The following RAB7A variants were observed in gnomAD, a reference collection of about 807,000 sequenced individuals.
RAB7A encodes the protein ras-related protein Rab-7a.
Under a neutral mutation model 24.5 loss-of-function variants are expected in RAB7A, and 2 were observed. That is an observed-to-expected ratio of 0.08 (90% CI 0.03 to 0.26). RAB7A has a LOEUF of 0.26. Ranked by LOEUF, RAB7A falls within the 10% of genes least tolerant of loss-of-function variation. The pLI, the probability that RAB7A is intolerant of heterozygous loss-of-function variation, is 1.00. For synonymous variants in RAB7A, 100 were observed against 95.9 expected (o/e 1.04, Z -0.25); for missense variants, 118 against 255.7 (o/e 0.46, Z 3.67).
chr3:128,804,121 C>A (rs967231680), intron 3 of RAB7A, among the ~76,000 whole-genome samples: 7 of 151,244 alleles, frequency 4.6e-5, no homozygotes, highest in Admixed American at 1.3e-4. Context: ...TGGGCCCCCC[C>A]CCGCCCCCAG....
At chr3:128,766,616 T>C (rs888846730) in intron 1 of RAB7A, among the ~76,000 whole-genome samples, 2 of 152,210 alleles carry the variant, frequency 1.3e-5, no homozygotes, top group African/African-American at 4.8e-5. Flanking sequence ...GGAATGGTCA[T>C]ACATTTTGGT....
intron 1 of RAB7A, among the ~76,000 whole-genome samples, chr3:128,753,333 A>C (rs1334815850): frequency 6.6e-6 from 1 of 151,666 alleles, no homozygotes; most frequent in Non-Finnish European, 1.5e-5. Flanking sequence ...AAAATAGAGC[A>C]TATATTGGTG....
rs745731016 is a variant in RAB7A, at chr3:128,798,009, A to C, written c.120A>C (p.Thr40=). 2 of 1,613,952 alleles carry C rather than the reference A, an allele frequency of 1.2e-6. No individual in the cohort carries two copies. The highest frequency in any genetic ancestry group is 1.7e-6 in the Non-Finnish European group (2 of 1,179,812). ...NKKFSNQYKA[T]IGADFLTKEV... is the part of the protein sequence containing the mutation. ...AATTCAGCAATCAGTACAAAGCCAC[A>C]ATAGGAGCTGACTTTCTGACCAAGG... Residue 40 remains threonine (T), a synonymous_variant, in exon 3 of 6, where the codon ACA becomes ACC. Transcript: ENST00000265062.
chr3:128,759,030 G>A (rs1028364586), intron 1 of RAB7A, among the ~76,000 whole-genome samples: 1 of 145,216 alleles, frequency 6.9e-6, no homozygotes, highest in Non-Finnish European at 1.5e-5. Context: ...TCAACTTACA[G>A]CCCCTGTGTT....
intron 1 of RAB7A, among the ~76,000 whole-genome samples, chr3:128,741,042 A>G (rs746271389): frequency 6.6e-6 from 1 of 151,730 alleles, no homozygotes; most frequent in Admixed American, 6.6e-5. Flanking sequence ...TAGAAAAAAT[A>G]TTAACTACAT....
chr3:128,769,678 T>C (rs1403523373), intron 1 of RAB7A, among the ~76,000 whole-genome samples: 1 of 152,256 alleles, frequency 6.6e-6, no homozygotes, highest in African/African-American at 2.4e-5. Context: ...TTTGATGTGC[T>C]ATCTGTTAAA....
At chr3:128,784,423 G>A (rs1933294157) in intron 1 of RAB7A, among the ~76,000 whole-genome samples, 1 of 152,138 alleles carries the variant, frequency 6.6e-6, no homozygotes, top group African/African-American at 2.4e-5. Flanking sequence ...GTCTAGTGCA[G>A]TCCTCTCTTG....
In RAB7A at chr3:128,775,982, C is replaced by T. The variant is rs749925381; in HGVS notation, c.-8-19378C>T. Among the ~76,000 whole-genome samples, 66 of 152,142 alleles carry T rather than the reference C, an allele frequency of 4.3e-4. 1 individual carries two copies. Among genetic ancestry groups the T allele is most frequent in the Non-Finnish European group, 2.6e-4 (18 of 68,020 alleles). On this transcript the variant is annotated intron_variant, in intron 1 of 5. Transcript: ENST00000265062. ...TAATCATAGTCACCATGATGTACAACAGATCTCCTATTTCTCCTGTTTAAC... is the reference window on the plus strand; with the variant it reads ...TAATCATAGTCACCATGATGTACAATAGATCTCCTATTTCTCCTGTTTAAC...
intron 1 of RAB7A, among the ~76,000 whole-genome samples, chr3:128,753,088 T>G (rs1235979655): frequency 1.3e-5 from 2 of 152,192 alleles, no homozygotes; most frequent in East Asian, 3.9e-4. Context: ...AAGATCATCA[T>G]CGGATTTCTC....
chr3:128,792,171 G>T (rs1301659140), intron 1 of RAB7A, among the ~76,000 whole-genome samples: 1 of 152,174 alleles, frequency 6.6e-6, no homozygotes, highest in Non-Finnish European at 1.5e-5. Flanking sequence ...GACACGTGTG[G>T]GTAGAGACTC....
intron 1 of RAB7A, among the ~76,000 whole-genome samples, chr3:128,793,364 A>G (rs1933501314): frequency 6.6e-6 from 1 of 151,934 alleles, no homozygotes; most frequent in Non-Finnish European, 1.5e-5. Context: ...CATGTTAGCC[A>G]GGCTGGTCTT....
intron 3 of RAB7A, among the ~76,000 whole-genome samples, chr3:128,803,424 T>G (rs906243386): frequency 6.6e-6 from 1 of 151,964 alleles, no homozygotes; most frequent in South Asian, 2.1e-4. Flanking sequence ...TGCTAGAATA[T>G]AGGGAGTGGA....
intron 1 of RAB7A, among the ~76,000 whole-genome samples, chr3:128,742,048 G>A (rs761021911): frequency 2.6e-5 from 4 of 152,102 alleles, no homozygotes; most frequent in Non-Finnish European, 4.4e-5. Context: ...TAAAGATAGC[G>A]TGTCCAGAGT....
intron 1 of RAB7A, among the ~76,000 whole-genome samples, chr3:128,751,914 G>C (rs1472418998): frequency 6.6e-6 from 1 of 152,184 alleles, no homozygotes; most frequent in East Asian, 1.9e-4. Context: ...TACGAGATCT[G>C]ATGGTTACAA....
chr3:128,763,441 T>G lies in RAB7A; in HGVS notation c.-8-31919T>G, dbSNP rs138068303. On this transcript the variant is annotated intron_variant, in intron 1 of 5. Transcript: ENST00000265062. ...ACCCTGTTAGCCAGGATGGTCTCGATCTCCTGATTTTGTGATCCGCCTGTC... is the reference window on the plus strand; with the variant it reads ...ACCCTGTTAGCCAGGATGGTCTCGAGCTCCTGATTTTGTGATCCGCCTGTC... Among the ~76,000 whole-genome samples the G allele has an allele frequency of 8.7e-3, 1,325 of 151,958 alleles. 23 individuals carry two copies. The highest frequency in any genetic ancestry group is 0.03 in the African/African-American group (1,249 of 41,416).
At chr3:128,765,585 A>G (rs554996417) in intron 1 of RAB7A, among the ~76,000 whole-genome samples, 10 of 152,258 alleles carry the variant, frequency 6.6e-5, no homozygotes, top group East Asian at 3.9e-4. Flanking sequence ...CAGGGCTCCA[A>G]TAGATTCACT....
intron 1 of RAB7A, among the ~76,000 whole-genome samples, chr3:128,768,337 T>C (rs1295907969): frequency 2.0e-5 from 3 of 152,156 alleles, no homozygotes; most frequent in African/African-American, 4.8e-5. Flanking sequence ...TTGATGGACA[T>C]TTGGGTTGAT....
At chr3:128,785,746 C>CA (rs35368201) in intron 1 of RAB7A, among the ~76,000 whole-genome samples, 24,647 of 86,384 alleles carry the variant, frequency 0.29, 2,542 homozygotes, top group South Asian at 0.43. Flanking sequence ...AAGACTGTCT[C>CA]AAAAAAAAAA....
chr3:128,746,065 C>G (rs2070611063), intron 1 of RAB7A, among the ~76,000 whole-genome samples: 1 of 152,224 alleles, frequency 6.6e-6, no homozygotes, highest in Admixed American at 6.5e-5. Context: ...TTGAAATAGA[C>G]TCGGATATTC....
Sources: gnomAD v4.1 joint callset for allele counts (sites outside exome capture counted in the v4.1 genomes callset) on GRCh38, gnomAD v4.1.1 for gene constraint, MANE v1.5 for transcripts, NCBI Gene and HGNC (gene_info 2026-07-23, HGNC 2026-07-21) for gene names.